SLC44A3: variants seen among roughly 807,000 people sequenced by gnomAD.
The protein encoded by SLC44A3 is solute carrier family 44 member 3, also known as choline transporter-like protein 3.
SLC44A3 carries 74 observed loss-of-function variants against 75.4 expected under a neutral mutation model. That is an observed-to-expected ratio of 0.98 (90% CI 0.81 to 1.19). The LOEUF is 1.19. SLC44A3 is among the 50% of genes most tolerant of loss of function. The pLI is 0.00. For synonymous variants in SLC44A3, 310 were observed against 296.9 expected (o/e 1.04, Z -0.45); for missense variants, 700 against 778.6 (o/e 0.90, Z 1.20).
rs1669958552 is a variant in SLC44A3 at position 94,889,474 on chromosome 1, G to GAA, written c.1483-1655_1483-1654dup. 3.3e-5 allele frequency: 5 copies of GAA among 151,658 alleles called. No individual in the cohort carries two copies. In the South Asian group the frequency reaches 1.0e-3, roughly 32 times the overall value. The allele number at this position is 151,658 out of a possible 1,614,324, so 9.4% of individuals were successfully genotyped here. On this transcript the variant is annotated intron_variant, in intron 12 of 14. Transcript: ENST00000271227. ...TGGTCTTGAAATGTAGTCATAAGGGGAAGGTATTTTGGAAAAAATAACCTG... is the reference window on the plus strand; with the variant it reads ...TGGTCTTGAAATGTAGTCATAAGGGGAAAAGGTATTTTGGAAAAAATAACCTG...
intron 5 of SLC44A3, among the ~76,000 whole-genome samples, chr1:94,832,371 T>C (rs965962065): frequency 6.6e-6 from 1 of 151,740 alleles, no homozygotes; most frequent in African/African-American, 2.4e-5. Flanking sequence ...AAAAAACAAA[T>C]AATAGAACAG....
Position 94,879,565 on chromosome 1 carries a change from C to T in SLC44A3, c.1483-11565C>T, listed in dbSNP as rs376309244. Among the ~76,000 whole-genome samples, 763 of 144,716 alleles carry T rather than the reference C, an allele frequency of 5.3e-3. 6 individuals are homozygous for T. The highest frequency in any genetic ancestry group is 0.019 in the African/African-American group (715 of 38,578). The allele number at this position is 144,716 out of a possible 152,430, so 94.9% of individuals were successfully genotyped here. On this transcript the variant is annotated intron_variant, in intron 12 of 14. Coordinates refer to ENST00000271227, the MANE Select transcript of SLC44A3 (RefSeq NM_001114106.3). ...AAAAAAAAAAAAAAAAAAGGCTGGG[C>T]GCAGTGGTTCATGCCTGTAATCTCA...
intron 10 of SLC44A3, among the ~76,000 whole-genome samples, chr1:94,863,450 C>T (rs1413688685): frequency 6.6e-6 from 1 of 152,114 alleles, no homozygotes. Context: ...AGGTGTTGTC[C>T]TCTTCTCCCT....
At chr1:94,865,952 G>A (rs12038630) in intron 11 of SLC44A3, among the ~76,000 whole-genome samples, 18,559 of 152,112 alleles carry the variant, frequency 0.12, 1,211 homozygotes, top group Middle Eastern at 0.16. Flanking sequence ...AAATTATCTG[G>A]CTTCCTTATC....
chr1:94,883,253 C>T (rs1205707724), intron 12 of SLC44A3, among the ~76,000 whole-genome samples: 5 of 152,032 alleles, frequency 3.3e-5, no homozygotes, highest in African/African-American at 1.2e-4. Context: ...ATAATGCCAG[C>T]ACTTTGGGAG....
At chr1:94,879,480 C>T (rs182725207) in intron 12 of SLC44A3, among the ~76,000 whole-genome samples, 2,655 of 147,196 alleles carry the variant, frequency 0.018, 26 homozygotes, top group Middle Eastern at 0.04. Flanking sequence ...TGCGGTGAGC[C>T]GGGATCATGC....
rs200195622 is a variant in SLC44A3, at chr1:94,837,808, C to T, written c.607C>T (p.Arg203Ter). 85 of 1,612,652 alleles carry T rather than the reference C, an allele frequency of 5.3e-5. No individual in the cohort carries two copies. The highest frequency in any genetic ancestry group is 9.4e-5 in the African/African-American group (7 of 74,862). The part of the protein sequence containing the change: ...VLINDVDTLH[R>*]ILSGIMSGRD... ...GATAAATGATGTTGACACCCTCCAC[C>T]GAATTCTAAGTGGAATCATGTCGGG... Residue 203 changes from arginine to a stop codon, truncating the protein, a stop_gained, in exon 6 of 15, where the codon CGA (arginine) becomes TGA (stop). Transcript: ENST00000271227. LOFTEE classifies it high-confidence loss of function.
intron 3 of SLC44A3, among the ~76,000 whole-genome samples, chr1:94,826,813 C>T (rs1197251962): frequency 1.3e-5 from 2 of 152,302 alleles, no homozygotes; most frequent in Admixed American, 1.3e-4. Flanking sequence ...GGGACCCCTT[C>T]TCAAGGTCTC....
intron 12 of SLC44A3, among the ~76,000 whole-genome samples, chr1:94,888,935 T>G (rs1052675763): frequency 2.0e-5 from 3 of 151,866 alleles, no homozygotes; most frequent in African/African-American, 7.3e-5. Context: ...ATATTTTGTA[T>G]TTTTAGTAAA....
intron 12 of SLC44A3, among the ~76,000 whole-genome samples, chr1:94,872,005 C>T (rs859091): frequency 0.99 from 150,345 of 152,380 alleles, 74,177 homozygotes; most frequent in Non-Finnish European, 0.99. Flanking sequence ...AAGAACACTT[C>T]GCTACCACCA....
chr1:94,872,954 A>C (rs925408823), intron 12 of SLC44A3, among the ~76,000 whole-genome samples: 13 of 152,234 alleles, frequency 8.5e-5, no homozygotes, highest in African/African-American at 3.1e-4. Context: ...TGTTGCCTCA[A>C]TTCTGAGGCA....
intron 10 of SLC44A3, among the ~76,000 whole-genome samples, chr1:94,858,474 C>G (rs1029755490): frequency 6.6e-6 from 1 of 152,112 alleles, no homozygotes; most frequent in African/African-American, 2.4e-5. Context: ...GCAGTGAGAG[C>G]CCTCAGGACA....
intron 3 of SLC44A3, among the ~76,000 whole-genome samples, chr1:94,826,604 C>G (rs972995454): frequency 1.3e-5 from 2 of 149,180 alleles, no homozygotes; most frequent in Non-Finnish European, 3.0e-5. Flanking sequence ...TGTCATTGCA[C>G]TCCAGCCTGG....
At chr1:94,867,305 G>T in intron 11 of SLC44A3, 26 bp from the exon 12 acceptor site, 2 of 1,527,142 alleles carry the variant, frequency 1.3e-6, no homozygotes, top group South Asian at 2.5e-5. Context: ...TTTTGACTCT[G>T]TTCCTTTGTT....
At chr1:94,863,396 C>T (rs1477598514) in intron 10 of SLC44A3, among the ~76,000 whole-genome samples, 1 of 152,200 alleles carries the variant, frequency 6.6e-6, no homozygotes, top group Non-Finnish European at 1.5e-5. Flanking sequence ...GGCCCTCATT[C>T]ACAGAGGCCT....
intron 6 of SLC44A3, 45 bp downstream of exon 6, chr1:94,837,916 C>CA (rs776811824): frequency 2.2e-5 from 32 of 1,479,530 alleles, no homozygotes; most frequent in Admixed American, 1.5e-4. Context: ...TATGGAATGC[C>CA]AAAGTTCCTA....
rs60440950 is a variant in SLC44A3, at chr1:94,885,224, C to CAAAAAAAAAAAAA, written c.1483-5899_1483-5887dup. ...TGGGCGACAGAGTGAGACTCCCTCT[C>CAAAAAAAAAAAAA]AAAAAAAAAAAAAAAAAAAGAGGCA... is the stretch of plus-strand genomic sequence containing the variant. On this transcript the variant is annotated intron_variant, in intron 12 of 14. Transcript: ENST00000271227. 1.1e-3 allele frequency among the ~76,000 whole-genome samples: 89 copies of CAAAAAAAAAAAAA among 82,832 alleles called. 2 individuals carry two copies. The highest frequency in any genetic ancestry group is 4.5e-3 in the East Asian group (9 of 2,020). 54.3% of individuals were successfully genotyped at this position (82,832 alleles called of 152,430 possible).
chr1:94,886,743 A>T (rs1191562055), intron 12 of SLC44A3, among the ~76,000 whole-genome samples: 3 of 151,950 alleles, frequency 2.0e-5, no homozygotes, highest in Non-Finnish European at 2.9e-5. Context: ...CTTCTCAGCC[A>T]CTCGGGACAG....
rs1660394785 is a variant in SLC44A3, at chr1:94,820,494, C to G, written c.27+16C>G. 1 of 1,491,984 alleles carries G rather than the reference C, an allele frequency of 6.7e-7. No individual in the cohort carries two copies. The highest frequency in any genetic ancestry group is 1.4e-5 in the African/African-American group (1 of 69,776). The allele number at this position is 1,491,984 out of a possible 1,614,324, so 92.4% of individuals were successfully genotyped here. ...CGAGTACCTGGTAAGCGCTCGCAGC[C>G]TCGGCCCTCGGGGGAGGAGCCCCGG... On this transcript the variant is annotated intron_variant, in intron 1 of 14. Coordinates refer to ENST00000271227, the MANE Select transcript of SLC44A3 (RefSeq NM_001114106.3).
Sources: allele counts gnomAD v4.1 joint callset (sites outside exome capture counted in the v4.1 genomes callset), GRCh38; gene constraint gnomAD v4.1.1; transcripts MANE v1.5; gene names NCBI Gene and HGNC (gene_info 2026-07-23, HGNC 2026-07-21).